Variants in FGG observed in about 807,000 individuals in gnomAD.
The protein encoded by FGG is fibrinogen, gamma polypeptide.
In FGG, 20 loss-of-function variants were observed where a neutral mutation model predicts 51.7. The ratio of observed to expected loss-of-function variants is 0.39; its 90% confidence interval spans 0.27 to 0.56. The LOEUF is 0.56. FGG is among the 20% of genes least tolerant of loss of function. FGG has a pLI of 0.64. For missense variants in FGG, 460 were observed against 534.2 expected, an observed-to-expected ratio of 0.86 and a Z score of 1.37; for synonymous variants, 184 against 184.7, an observed-to-expected ratio of 1.00 and a Z score of 0.03.
intron 3 of FGG, 37 bp from the exon 4 acceptor site, chr4:154,611,935 C>G (rs776994047): frequency 3.7e-6 from 6 of 1,603,268 alleles, no homozygotes; most frequent in Admixed American, 1.7e-5. Flanking sequence ...AATCCTTAAG[C>G]AAATAGAACA....
intron 3 of FGG, 46 bp downstream of exon 3, chr4:154,611,972 C>T (rs1279994661): frequency 2.5e-6 from 4 of 1,604,826 alleles, no homozygotes; most frequent in South Asian, 2.2e-5. Flanking sequence ...AAGAACTTCA[C>T]AGATTATTAT....
At chr4:154,609,871 A>G (rs1731170202) in intron 5 of FGG, 108 bp from the exon 6 acceptor site, 3 of 1,573,036 alleles carry the variant, frequency 1.9e-6, no homozygotes, top group East Asian at 2.2e-5. Flanking sequence ...TTCCAAGAAT[A>G]ATTTTCTTAC....
intron 7 of FGG, 27 bp from the exon 8 acceptor site, chr4:154,607,009 C>T (rs375668541): frequency 1.3e-6 from 2 of 1,539,982 alleles, no homozygotes; most frequent in East Asian, 2.3e-5. Flanking sequence ...ACAACCATCA[C>T]ATGCTGACCC....
At chr4:154,606,640 T>G in intron 8 of FGG, 65 bp downstream of exon 8, 1 of 1,477,488 alleles carries the variant, frequency 6.8e-7, no homozygotes. Context: ...CATATCTATT[T>G]ATTATTTTTT....
Position 154,606,535 on chromosome 4 carries a change from A to G in FGG, c.1129+170T>C, listed in dbSNP as rs537706498. On this transcript the variant is annotated intron_variant, in intron 8 of 8. Coordinates refer to ENST00000336098, the MANE Select transcript of FGG (RefSeq NM_021870.3). ...TTAGAAGGGCTAATTTTAGGCATGA[A>G]CTTGGTATTATCCACTTCCAGTTTC... Among the ~76,000 whole-genome samples the G allele has an allele frequency of 9.3e-4, 142 of 152,334 alleles. 2 individuals carry two copies. The South Asian group carries it at 0.029, about 31-fold the overall frequency.
intron 8 of FGG, among the ~76,000 whole-genome samples, chr4:154,605,439 A>G (rs909481250): frequency 6.6e-6 from 1 of 152,128 alleles, no homozygotes. Flanking sequence ...GATGAGGTCA[A>G]CTCAGGTTAT....
chr4:154,610,724 T>C (rs1344820276), intron 4 of FGG, among the ~76,000 whole-genome samples: 2 of 152,196 alleles, frequency 1.3e-5, no homozygotes, highest in African/African-American at 4.8e-5. Flanking sequence ...ATCTAAAATA[T>C]AACTTACACA....
At chr4:154,610,250 C>G (rs568879942) in intron 4 of FGG, 53 bp from the exon 5 acceptor site, 2 of 1,364,832 alleles carry the variant, frequency 1.5e-6, no homozygotes, top group African/African-American at 2.9e-5. Context: ...ATAAGTATTC[C>G]TTTCAGAAGA....
rs369888820 is a variant in FGG at position 154,612,049 on chromosome 4, G to T, written c.276C>A (p.Leu92=). The T allele has an allele frequency of 5.6e-6, 9 of 1,612,916 alleles. No individual in the cohort carries two copies. In the African/African-American group the frequency reaches 9.3e-5, roughly 17 times the overall value. Residue 92 remains leucine, a synonymous_variant, in exon 3 of 9, where the codon CTC becomes CTA. Coordinates refer to ENST00000336098, the MANE Select transcript of FGG (RefSeq NM_021870.3). ...TTGATGATTCATCAGGATTATAAGTGAGTTGGATTGCTTTTATCAGCTGTT... is the reference window on the plus strand; with the variant it reads ...TTGATGATTCATCAGGATTATAAGTTAGTTGGATTGCTTTTATCAGCTGTT... ...EVKQLIKAIQ[L]TYNPDESSKP...
Position 154,610,069 on chromosome 4 carries a change from T to G in FGG, c.530A>C (p.Lys177Thr). The change falls in exon 5 of 9, where the codon AAA becomes ACA. Residue 177 changes from lysine (K) to threonine (T), a missense_variant and splice_region_variant. This residue lies in a region of FGG where 353 missense variants were observed against 391.7 expected (regional missense o/e 0.90). Transcript: ENST00000336098. ...DTVQIHDITG[K>T]DCQDIANKGA... The stretch of plus-strand genomic sequence containing the variant: ...CCAATATAACCTTCATCAGTTACCT[T>G]TCCCAGTGATATCATGGATTTGCAC... 1 of 1,613,854 alleles carries G rather than the reference T, an allele frequency of 6.2e-7. No individual in the cohort carries two copies.
intron 1 of FGG, 29 bp from the exon 2 acceptor site, chr4:154,612,464 CTAGTT>C: frequency 6.2e-7 from 1 of 1,613,764 alleles, no homozygotes; most frequent in Non-Finnish European, 8.5e-7. Context: ...AGAAATTTCA[CTAGTT>C]TATTATCTGT....
In FGG at chr4:154,611,880, G is replaced by A. The variant is rs1449432052; in HGVS notation, c.326C>T (p.Thr109Ile). The A allele has an allele frequency of 6.2e-7, 1 of 1,611,944 alleles. No homozygotes were observed. The highest frequency in any genetic ancestry group is 1.1e-5 in the South Asian group (1 of 90,980). Residue 109 changes from threonine to isoleucine, a missense_variant, in exon 4 of 9, where the codon ACT becomes ATT. Thr to Ile is a moderately conservative substitution (Grantham distance 89). This residue lies in a region of FGG where 353 missense variants were observed against 391.7 expected (regional missense o/e 0.90). Coordinates refer to ENST00000336098, the MANE Select transcript of FGG (RefSeq NM_021870.3). ...SSKPNMIDAATLKSRKMLEEI... is the reference protein window; with the variant it reads ...SSKPNMIDAAILKSRKMLEEI... ...TTCTAACATTTTCCTGGACTTCAAA[G>A]TAGCAGCGTCTATCATATCTGTAAT...
At position 154,611,832 on chromosome 4, in the gene FGG, G is replaced by A. The variant is rs200696007; in HGVS notation, c.374C>T (p.Ser125Leu). 2.4e-5 allele frequency: 38 copies of A among 1,611,030 alleles called. No individual in the cohort carries two copies. The Admixed American group carries it at 3.8e-4, about 16-fold the overall frequency. ...AATACTTGAGTCATGTGTTAAAATC[G>A]ATGCTTCATATTTCATAATTTCTTC... ...MLEEIMKYEA[S>L]ILTHDSSIRY... Residue 125 changes from serine (S) to leucine (L), a missense_variant, in exon 4 of 9, where the codon TCG (serine) becomes TTG (leucine). Physicochemically the swap from Ser to Leu is moderately radical, Grantham distance 145. Around this residue, in one of 3 missense-constraint regions of FGG, gnomAD observed 353 missense variants for 391.7 expected, o/e 0.90. Transcript: ENST00000336098.
rs1279739975 is a variant in FGG at position 154,612,212 on chromosome 4, AAC to A, written c.124-13_124-12del. The A allele has an allele frequency of 1.9e-6, 3 of 1,609,156 alleles. No individual in the cohort carries two copies. The highest frequency in any genetic ancestry group is 2.5e-6 in the Non-Finnish European group (3 of 1,177,366). ...TGGACAATAACTACCCTGAAAATAT[AAC>A]AGTGATTAAAAATGTAGACAGATGC... On this transcript the variant is annotated splice_polypyrimidine_tract_variant and intron_variant, in intron 2 of 8. Coordinates refer to ENST00000336098, the MANE Select transcript of FGG (RefSeq NM_021870.3).
Position 154,609,122 on chromosome 4 carries a change from A to T in FGG, c.667-472T>A, listed in dbSNP as rs1192790839. On this transcript the variant is annotated intron_variant, in intron 6 of 8. Transcript: ENST00000336098. ...GGAGCCAAGATTCCTAGTGGGTATCAGCAAGTGGCAGATGCAACACAGGTT... is the reference window on the plus strand; with the variant it reads ...GGAGCCAAGATTCCTAGTGGGTATCTGCAAGTGGCAGATGCAACACAGGTT... Among the ~76,000 whole-genome samples, 5 of 152,030 alleles carry T rather than the reference A, an allele frequency of 3.3e-5. No individual in the cohort carries two copies. In the East Asian group the frequency reaches 9.7e-4, roughly 30 times the overall value.
At chr4:154,608,751 A>G (rs1401204586) in intron 6 of FGG, 101 bp from the exon 7 acceptor site, 10 of 1,087,348 alleles carry the variant, frequency 9.2e-6, no homozygotes, top group South Asian at 1.3e-5. Context: ...CACTGGTTCT[A>G]TCAACTCCCA....
intron 4 of FGG, among the ~76,000 whole-genome samples, chr4:154,610,751 C>T (rs142764332): frequency 6.6e-6 from 1 of 152,096 alleles, no homozygotes; most frequent in Non-Finnish European, 1.5e-5. Flanking sequence ...TGATCTGGAA[C>T]GTTATTGTAT....
In FGG at chr4:154,604,957, G is replaced by T; in HGVS notation, c.1239C>A (p.Ile413=). 3 of 1,614,054 alleles carry T rather than the reference G, an allele frequency of 1.9e-6. No individual in the cohort carries two copies. The highest frequency in any genetic ancestry group is 1.7e-6 in the Non-Finnish European group (2 of 1,179,980). The change falls in exon 9 of 9, where the codon ATC becomes ATA. Residue 413 remains isoleucine (I), a synonymous_variant. Coordinates refer to ENST00000336098, the MANE Select transcript of FGG (RefSeq NM_021870.3). Reference sequence around the variant, plus strand: ...CTCCAATTGTGAGTCTGTTGAATGGGATTATCTTCATAGTGGTTTTCTTCA... The same window carrying T: ...CTCCAATTGTGAGTCTGTTGAATGGTATTATCTTCATAGTGGTTTTCTTCA... The part of the protein sequence containing the change: ...YSMKKTTMKI[I]PFNRLTIGEG...
intron 7 of FGG, 80 bp from the exon 8 acceptor site, chr4:154,607,062 C>T: frequency 6.7e-7 from 1 of 1,483,240 alleles, no homozygotes; most frequent in Admixed American, 2.3e-5. Context: ...AGGATGCTTC[C>T]TTGGAATTTT....
Sources: gnomAD v4.1 joint callset for allele counts (sites outside exome capture counted in the v4.1 genomes callset) on GRCh38, gnomAD v4.1.1 for gene constraint, gnomAD v4.1.1 regional missense constraint, MANE v1.5 for transcripts, NCBI Gene and HGNC (gene_info 2026-07-23, HGNC 2026-07-21) for gene names.